SAP30BP: variants seen among roughly 807,000 people sequenced by gnomAD.
SAP30BP encodes the protein SAP30 binding protein.
SAP30BP carries 31 observed loss-of-function variants against 46.3 expected under a neutral mutation model. That is an observed-to-expected ratio of 0.67 (90% confidence interval 0.50 to 0.90). SAP30BP has a LOEUF of 0.90. Ranked by LOEUF, SAP30BP falls within the 40% of genes least tolerant of loss-of-function variation. The pLI, the probability that SAP30BP is intolerant of heterozygous loss-of-function variation, is 0.00. For synonymous variants in SAP30BP, 169 were observed against 144.2 expected (o/e 1.17, Z -1.23); for missense variants, 312 against 391.0 (o/e 0.80, Z 1.70).
At chr17:75,690,532 G>T (rs1280652922) in intron 3 of SAP30BP, 1 of 375,414 alleles carries the variant, frequency 2.7e-6, no homozygotes, top group Non-Finnish European at 5.3e-6. Context: ...ACTACAGGCT[G>T]GTCTCAAACT....
chr17:75,672,068 G>A, intron 3 of SAP30BP: 1 of 570,760 alleles, frequency 1.8e-6, no homozygotes, highest in Non-Finnish European at 3.2e-6. Context: ...TGGATTTCCA[G>A]CCTTTCAGAT....
intron 3 of SAP30BP, among the ~76,000 whole-genome samples, chr17:75,682,767 T>C (rs56046313): frequency 1.4e-5 from 2 of 147,300 alleles, no homozygotes; most frequent in South Asian, 4.4e-4. Flanking sequence ...ATCAAGACCA[T>C]CCTGGCCAAC....
intron 4 of SAP30BP, 21 bp downstream of exon 4, chr17:75,693,503 G>C (rs755058680): frequency 6.2e-7 from 1 of 1,612,550 alleles, no homozygotes; most frequent in Non-Finnish European, 8.5e-7. Flanking sequence ...GGGGATCCTG[G>C]GGGCACGTTT....
chr17:75,701,559 GT>G (rs2060411732), intron 5 of SAP30BP, among the ~76,000 whole-genome samples: 1 of 152,212 alleles, frequency 6.6e-6, no homozygotes, highest in Non-Finnish European at 1.5e-5. Context: ...GGGAGTTTGG[GT>G]GAGAGATAAG....
At chr17:75,701,662 C>T (rs770521081) in intron 5 of SAP30BP, among the ~76,000 whole-genome samples, 6 of 152,250 alleles carry the variant, frequency 3.9e-5, no homozygotes, top group Middle Eastern at 6.8e-3. Context: ...TTTGCAAGAC[C>T]GAATCCAAAA....
In SAP30BP at chr17:75,699,831, T is replaced by A; in HGVS notation, c.356T>A (p.Ile119Asn). The change falls in exon 5 of 11, where the codon ATC (isoleucine) becomes AAC (asparagine). Residue 119 changes from isoleucine (I) to asparagine (N), a missense_variant. Around this residue, in one of 2 missense-constraint regions of SAP30BP, gnomAD observed 296 missense variants for 346.6 expected, o/e 0.85. Transcript: ENST00000584667. ...VRNMSPDEIK[I>N]PPEPPGRCSN... ...AACATGTCGCCTGATGAAATCAAGA[T>A]CCCGCCAGAACCCCCTGGCAGATGT... 1 of 1,613,624 alleles carries A rather than the reference T, an allele frequency of 6.2e-7. No homozygotes were observed. Among genetic ancestry groups the A allele is most frequent in the Non-Finnish European group, 8.5e-7 (1 of 1,179,590 alleles).
At chr17:75,671,892 T>A in intron 3 of SAP30BP, 29 bp downstream of exon 3, 2 of 1,597,276 alleles carry the variant, frequency 1.3e-6, no homozygotes, top group Non-Finnish European at 1.7e-6. Flanking sequence ...GGTGGGTGGC[T>A]GGATGCAAAC....
chr17:75,668,463 CTT>C (rs1220888978), intron 1 of SAP30BP, 51 bp from the exon 2 acceptor site: 3 of 1,173,200 alleles, frequency 2.6e-6, no homozygotes, highest in Non-Finnish European at 3.6e-6. Context: ...CATTGTAACT[CTT>C]GTTTTTTTTT....
Position 75,668,979 on chromosome 17 carries a change from A to G in SAP30BP, c.216+354A>G, listed in dbSNP as rs536577364. 1.1e-4 allele frequency among the ~76,000 whole-genome samples: 16 copies of G among 151,744 alleles called. No homozygotes were observed. In the South Asian group the frequency reaches 3.3e-3, roughly 32 times the overall value. ...GGTGTATCATTTATATCTACAGTCA[A>G]CTCTGCATTATTTTTAATCTTGGTT... On this transcript the variant is annotated intron_variant, in intron 2 of 10. Coordinates refer to ENST00000584667, the MANE Select transcript of SAP30BP (RefSeq NM_013260.8).
At chr17:75,698,248 A>C (rs941245055) in intron 4 of SAP30BP, among the ~76,000 whole-genome samples, 1 of 152,248 alleles carries the variant, frequency 6.6e-6, no homozygotes, top group Non-Finnish European at 1.5e-5. Flanking sequence ...GGTTCTTCCC[A>C]TCAGAATCAG....
rs539459020 is a variant in SAP30BP, at chr17:75,699,887, G to A, written c.396+16G>A. 2.3e-5 allele frequency: 37 copies of A among 1,582,472 alleles called. No homozygotes were observed. The highest frequency in any genetic ancestry group is 1.9e-4 in the South Asian group (17 of 90,258). ...TCACTTGCAAGTAAGCATGAGACTCGGCTACTGAGGTCGGATAGATTAGAT... is the reference window on the plus strand; with the variant it reads ...TCACTTGCAAGTAAGCATGAGACTCAGCTACTGAGGTCGGATAGATTAGAT... On this transcript the variant is annotated intron_variant, in intron 5 of 10. Transcript: ENST00000584667.
chr17:75,689,058 G>A (rs1160451223), intron 3 of SAP30BP, among the ~76,000 whole-genome samples: 1 of 151,998 alleles, frequency 6.6e-6, no homozygotes, highest in Non-Finnish European at 1.5e-5. Context: ...TCAGATTGGT[G>A]TCCTCCACCA....
At chr17:75,683,111 C>T (rs1219240912) in intron 3 of SAP30BP, among the ~76,000 whole-genome samples, 1 of 146,184 alleles carries the variant, frequency 6.8e-6, no homozygotes, top group Non-Finnish European at 1.5e-5. Flanking sequence ...GTGGTGCGAT[C>T]TCAGCTCACT....
intron 9 of SAP30BP, 135 bp downstream of exon 9, chr17:75,704,949 C>G: frequency 2.8e-6 from 2 of 722,876 alleles, no homozygotes; most frequent in Non-Finnish European, 5.0e-6. Context: ...CTGAGCCTCT[C>G]AGCAGGGCCT....
chr17:75,678,312 A>G (rs759151424), intron 3 of SAP30BP, among the ~76,000 whole-genome samples: 1 of 152,184 alleles, frequency 6.6e-6, no homozygotes, highest in Non-Finnish European at 1.5e-5. Context: ...TAGCATTTGC[A>G]TTTAGCCTTG....
chr17:75,691,487 G>A (rs2060241574), intron 3 of SAP30BP: 1 of 456,558 alleles, frequency 2.2e-6, no homozygotes, highest in Non-Finnish European at 4.4e-6. Context: ...AGAAGCCACG[G>A]GGAGGCTCCT....
chr17:75,705,472 A>C, intron 9 of SAP30BP: 1 of 229,522 alleles, frequency 4.4e-6, no homozygotes, highest in African/African-American at 2.3e-5. Flanking sequence ...GGGCCTGGGC[A>C]TGCTGGTGGC....
chr17:75,670,122 G>A (rs2059886575), intron 2 of SAP30BP, among the ~76,000 whole-genome samples: 1 of 152,096 alleles, frequency 6.6e-6, no homozygotes, highest in Non-Finnish European at 1.5e-5. Flanking sequence ...AGGAGATCAA[G>A]ACCATCTTGG....
chr17:75,687,618 GAAA>G (rs112544254), intron 3 of SAP30BP, among the ~76,000 whole-genome samples: 1 of 113,458 alleles, frequency 8.8e-6, no homozygotes, highest in Non-Finnish European at 1.9e-5. Context: ...CCTGTCTCAG[GAAA>G]AAAAAAAAAA....
Sources: gnomAD v4.1 joint callset for allele counts (sites outside exome capture counted in the v4.1 genomes callset) on GRCh38, gnomAD v4.1.1 for gene constraint, gnomAD v4.1.1 regional missense constraint, MANE v1.5 for transcripts, NCBI Gene and HGNC (gene_info 2026-07-23, HGNC 2026-07-21) for gene names.